Variants in KIF15 observed in about 807,000 individuals in gnomAD.
The protein encoded by KIF15 is kinesin family member 15.
Under a neutral mutation model 190.6 loss-of-function variants are expected in KIF15, and 140 were observed. The ratio of observed to expected loss-of-function variants is 0.73; its 90% CI spans 0.64 to 0.84. KIF15 has a LOEUF of 0.84. Ranked by LOEUF, KIF15 falls within the 40% of genes least tolerant of loss-of-function variation. The pLI is 0.00. For missense variants in KIF15, 1,372 were observed against 1,584.4 expected, an observed-to-expected ratio of 0.87 and a Z score of 2.28; for synonymous variants, 528 against 551.3, an observed-to-expected ratio of 0.96 and a Z score of 0.59.
intron 7 of KIF15, among the ~76,000 whole-genome samples, chr3:44,787,201 G>A (rs1706448683): frequency 6.6e-6 from 1 of 152,056 alleles, no homozygotes; most frequent in African/African-American, 2.4e-5. Flanking sequence ...GGTGATATTT[G>A]GTTCTTTAAA....
Position 44,797,667 on chromosome 3 carries a change from C to G in KIF15, c.966C>G (p.Phe322Leu), listed in dbSNP as rs539059165. ...GCTACAGAGACTCCAAACTTACCTT[C>G]TTACTACGGGTAAAGTAGATCCTTG... ...HVCYRDSKLT[F>L]LLRDSLGGNA... The change falls in exon 9 of 35, where the codon TTC becomes TTG. Residue 322 changes from phenylalanine to leucine, a missense_variant. Transcript: ENST00000326047. 4 of 1,613,898 alleles carry G rather than the reference C, an allele frequency of 2.5e-6. No individual in the cohort carries two copies. In the African/African-American group the frequency reaches 5.3e-5, roughly 22 times the overall value.
At chr3:44,809,385 T>C (rs572341607) in intron 16 of KIF15, among the ~76,000 whole-genome samples, 2 of 152,224 alleles carry the variant, frequency 1.3e-5, no homozygotes, top group Non-Finnish European at 2.9e-5. Context: ...TCTTTCATCT[T>C]TGCATGTGAT....
chr3:44,827,719 G>C (rs1697749406), intron 23 of KIF15, among the ~76,000 whole-genome samples, 191 bp downstream of exon 23: 1 of 152,062 alleles, frequency 6.6e-6, no homozygotes, highest in Admixed American at 6.5e-5. Flanking sequence ...TTCTCACTCT[G>C]TCACCCAGGC....
chr3:44,766,807 C>CTTTTTTTTTTTTTTTTTTTT (rs766382105), intron 1 of KIF15, among the ~76,000 whole-genome samples: 2 of 118,544 alleles, frequency 1.7e-5, no homozygotes, highest in African/African-American at 3.1e-5. Context: ...TTCTTTCTTT[C>CTTTTTTTTTTTTTTTTTTTT]TTTTTTTTTT....
intron 6 of KIF15, among the ~76,000 whole-genome samples, chr3:44,860,688 T>C (rs1400577347): frequency 6.6e-6 from 1 of 152,082 alleles, no homozygotes; most frequent in African/African-American, 2.4e-5. Context: ...GTGCTTTTAT[T>C]TGAGCCACAA....
chr3:44,813,853 G>A (rs903045746), intron 19 of KIF15, among the ~76,000 whole-genome samples: 1 of 151,998 alleles, frequency 6.6e-6, no homozygotes, highest in Admixed American at 6.6e-5. Context: ...CCTGACCTCA[G>A]GTGATCCACC....
At chr3:44,828,104 C>T in intron 23 of KIF15, 110 bp from the exon 24 acceptor site, 1 of 708,150 alleles carries the variant, frequency 1.4e-6, no homozygotes, top group Non-Finnish European at 2.4e-6. Flanking sequence ...AAGTATTACT[C>T]CTAGCATAGA....
In KIF15 at chr3:44,774,648, T is replaced by G. The variant is rs184146408; in HGVS notation, c.62+211T>G. Among the ~76,000 whole-genome samples, 6 of 152,316 alleles carry G rather than the reference T, an allele frequency of 3.9e-5. No homozygotes were observed. In the East Asian group the frequency reaches 1.2e-3, roughly 29 times the overall value. On this transcript the variant is annotated intron_variant, in intron 2 of 34. Coordinates refer to ENST00000326047, the MANE Select transcript of KIF15 (RefSeq NM_020242.3). ...TAGCATAATTCTCCTTGGGAATGAC[T>G]TATTTATTATTGCTAGTAAGAGGGA... is the stretch of plus-strand genomic sequence containing the variant.
At chr3:44,821,245 C>T (rs1243868787) in intron 20 of KIF15, among the ~76,000 whole-genome samples, 3 of 145,518 alleles carry the variant, frequency 2.1e-5, no homozygotes, top group South Asian at 2.2e-4. Context: ...GGCGGCTGGC[C>T]GGGCGGAGGG....
chr3:44,799,320 AG>A (rs1227743268), intron 10 of KIF15: 1 of 456,746 alleles, frequency 2.2e-6, no homozygotes, highest in Admixed American at 2.3e-5. Context: ...ATCAGTGGAA[AG>A]TGCCAGAGTA....
chr3:44,791,497 G>C (rs1186200427), intron 7 of KIF15, among the ~76,000 whole-genome samples: 2 of 152,102 alleles, frequency 1.3e-5, no homozygotes, highest in Non-Finnish European at 2.9e-5. Context: ...TACAAAATAG[G>C]CTGCTGGGAT....
At chr3:44,785,373 C>T (rs1164549945) in intron 6 of KIF15, among the ~76,000 whole-genome samples, 2 of 152,194 alleles carry the variant, frequency 1.3e-5, no homozygotes, top group East Asian at 1.9e-4. Context: ...GTGATGGACT[C>T]ATCCTCACCA....
chr3:44,823,177 A>G (rs1697451182), intron 20 of KIF15, among the ~76,000 whole-genome samples: 1 of 152,054 alleles, frequency 6.6e-6, no homozygotes, highest in Non-Finnish European at 1.5e-5. Context: ...TTGGTGACTG[A>G]CAGATGGGGT....
intron 4 of KIF15, among the ~76,000 whole-genome samples, chr3:44,779,607 C>T (rs576900007): frequency 9.9e-5 from 15 of 152,006 alleles, no homozygotes; most frequent in African/African-American, 3.6e-4. Context: ...GGCCGAGGTG[C>T]GTGGATCACG....
chr3:44,812,344 T>C, intron 18 of KIF15, 55 bp downstream of exon 18: 1 of 1,246,528 alleles, frequency 8.0e-7, no homozygotes, highest in Non-Finnish European at 1.2e-6. Flanking sequence ...AAATGTTACC[T>C]TGAGGAAACA....
intron 20 of KIF15, among the ~76,000 whole-genome samples, chr3:44,817,660 G>A (rs1357161334): frequency 5.3e-5 from 8 of 152,296 alleles, no homozygotes; most frequent in Non-Finnish European, 8.8e-5. Flanking sequence ...AGTATAGTTT[G>A]AAGTCAGGTA....
At position 44,829,965 on chromosome 3, in the gene KIF15, C is replaced by T. The variant is rs1319334558; in HGVS notation, c.2944-6C>T. The stretch of plus-strand genomic sequence containing the variant: ...GGTATGAAGATATTATTTCTGTCCT[C>T]ATCAGAAAGTTGTAGCTGACCTCAT... On this transcript the variant is annotated splice_polypyrimidine_tract_variant and splice_region_variant and intron_variant, in intron 24 of 34. Transcript: ENST00000326047. The T allele has an allele frequency of 4.5e-6, 7 of 1,541,156 alleles. No homozygotes were observed. In the African/African-American group the frequency reaches 7.0e-5, roughly 15 times the overall value.
At chr3:44,801,669 G>T in intron 12 of KIF15, 96 bp from the exon 13 acceptor site, 1 of 965,820 alleles carries the variant, frequency 1.0e-6, no homozygotes. Context: ...TTGCCTTTAA[G>T]ATTAAATATG....
At chr3:44,832,833 G>T (rs1698134229) in intron 26 of KIF15, among the ~76,000 whole-genome samples, 1 of 151,884 alleles carries the variant, frequency 6.6e-6, no homozygotes, top group South Asian at 2.1e-4. Context: ...TGGCCAACAT[G>T]GTAAAACCCC....
Sources: allele counts gnomAD v4.1 joint callset (sites outside exome capture counted in the v4.1 genomes callset), GRCh38; gene constraint gnomAD v4.1.1; transcripts MANE v1.5; gene names NCBI Gene and HGNC (gene_info 2026-07-23, HGNC 2026-07-21).